Variants in SAMD4A observed in about 807,000 individuals in gnomAD.
SAMD4A encodes sterile alpha motif domain containing 4A, also known as protein Smaug homolog 1.
Under a neutral mutation model 81.3 loss-of-function variants are expected in SAMD4A, and 33 were observed. The ratio of observed to expected loss-of-function variants is 0.41; its 90% CI spans 0.31 to 0.54. The LOEUF is 0.54. Among genes scored for constraint, SAMD4A ranks in the 20% least tolerant of loss-of-function variants. SAMD4A has a pLI of 0.37. For synonymous variants in SAMD4A, 389 were observed against 382.1 expected (o/e 1.02, Z -0.21); for missense variants, 854 against 951.1 (o/e 0.90, Z 1.34).
chr14:54,744,457 A>T (rs1237384429), intron 4 of SAMD4A, among the ~76,000 whole-genome samples: 3 of 152,216 alleles, frequency 2.0e-5, no homozygotes, highest in East Asian at 3.8e-4. Flanking sequence ...AATCAGCATG[A>T]TTTAAAACTG....
At chr14:54,767,987 G>T (rs1041355048) in intron 8 of SAMD4A, among the ~76,000 whole-genome samples, 1 of 152,296 alleles carries the variant, frequency 6.6e-6, no homozygotes, top group Non-Finnish European at 1.5e-5. Context: ...CCAGGAAGGC[G>T]CCAACATTCC....
At chr14:54,659,156 C>T (rs2035585519) in intron 2 of SAMD4A, among the ~76,000 whole-genome samples, 1 of 152,234 alleles carries the variant, frequency 6.6e-6, no homozygotes. Flanking sequence ...TGGTCCCTTA[C>T]AGAGGTTTCC....
At chr14:54,637,481 C>T (rs1446517173) in intron 2 of SAMD4A, among the ~76,000 whole-genome samples, 1 of 151,392 alleles carries the variant, frequency 6.6e-6, no homozygotes, top group East Asian at 1.9e-4. Flanking sequence ...GCTCTAGAAG[C>T]CAGGTGAAGA....
intron 3 of SAMD4A, among the ~76,000 whole-genome samples, chr14:54,719,680 C>T (rs934752439): frequency 6.6e-6 from 1 of 152,162 alleles, no homozygotes; most frequent in African/African-American, 2.4e-5. Flanking sequence ...GTGAGACTGA[C>T]CTGGGTTTGA....
At chr14:54,602,100 A>C (rs551750898) in intron 2 of SAMD4A, among the ~76,000 whole-genome samples, 7 of 152,304 alleles carry the variant, frequency 4.6e-5, no homozygotes, top group Admixed American at 4.6e-4. Flanking sequence ...CTAGACCCAG[A>C]GACAGGCTTC....
intron 2 of SAMD4A, among the ~76,000 whole-genome samples, chr14:54,648,629 C>T (rs567092071): frequency 6.6e-6 from 1 of 152,168 alleles, no homozygotes; most frequent in Non-Finnish European, 1.5e-5. Context: ...GTCAGTGTGA[C>T]TGGAATGGAT....
At chr14:54,606,411 G>A (rs1341647889) in intron 2 of SAMD4A, among the ~76,000 whole-genome samples, 1 of 152,200 alleles carries the variant, frequency 6.6e-6, no homozygotes, top group Non-Finnish European at 1.5e-5. Flanking sequence ...CTAATCTGTG[G>A]CATGTGCCTG....
At chr14:54,596,980 T>C (rs971180862) in intron 2 of SAMD4A, among the ~76,000 whole-genome samples, 5 of 152,184 alleles carry the variant, frequency 3.3e-5, no homozygotes, top group Non-Finnish European at 7.3e-5. Context: ...TCAGATCTTA[T>C]GAAAGGGAGC....
intron 3 of SAMD4A, among the ~76,000 whole-genome samples, chr14:54,727,483 C>T (rs1286588511): frequency 1.3e-5 from 2 of 152,064 alleles, no homozygotes; most frequent in African/African-American, 4.8e-5. Context: ...GCCACCACAC[C>T]CAGCCTTGGG....
In SAMD4A at chr14:54,596,580, G is replaced by A. The variant is rs111518621; in HGVS notation, c.196+28468G>A. ...AGCCTGGGTGATATAGTGAGACTGC[G>A]TCTCAAAAAAAAGAAAACAAGGAAA... On this transcript the variant is annotated intron_variant, in intron 2 of 12. Coordinates refer to ENST00000554335, the MANE Select transcript of SAMD4A (RefSeq NM_015589.6). 2.8e-4 allele frequency among the ~76,000 whole-genome samples: 42 copies of A among 152,258 alleles called. No homozygotes were observed. In the East Asian group the frequency reaches 3.9e-3, roughly 14 times the overall value.
At chr14:54,741,127 T>C (rs1294144329) in intron 4 of SAMD4A, among the ~76,000 whole-genome samples, 2 of 152,198 alleles carry the variant, frequency 1.3e-5, no homozygotes, top group Non-Finnish European at 2.9e-5. Flanking sequence ...GTGACTTATC[T>C]CAGAGGAAAG....
chr14:54,643,588 G>A (rs2035220821), intron 2 of SAMD4A, among the ~76,000 whole-genome samples: 1 of 152,200 alleles, frequency 6.6e-6, no homozygotes, highest in Non-Finnish European at 1.5e-5. Context: ...CTCAACAGTG[G>A]ACCTAGATAT....
intron 2 of SAMD4A, among the ~76,000 whole-genome samples, chr14:54,673,018 A>G (rs2035917955): frequency 6.6e-6 from 1 of 152,234 alleles, no homozygotes; most frequent in Admixed American, 6.5e-5. Flanking sequence ...CCCTTTCTCG[A>G]AGGTTACCTT....
At chr14:54,704,478 C>T (rs2036803187) in intron 3 of SAMD4A, among the ~76,000 whole-genome samples, 2 of 152,184 alleles carry the variant, frequency 1.3e-5, no homozygotes. Flanking sequence ...AGGATCAGGT[C>T]TTGACATTTA....
intron 2 of SAMD4A, among the ~76,000 whole-genome samples, chr14:54,655,529 C>A (rs551705371): frequency 6.6e-6 from 1 of 151,538 alleles, no homozygotes; most frequent in African/African-American, 2.4e-5. Flanking sequence ...GTCGGGAGTT[C>A]GAGACCAGCC....
chr14:54,717,454 AAAG>A (rs1822282357), intron 3 of SAMD4A, among the ~76,000 whole-genome samples: 1 of 151,886 alleles, frequency 6.6e-6, no homozygotes, highest in African/African-American at 2.4e-5. Flanking sequence ...AAAAAAAAAA[AAAG>A]AAAGAAATTT....
At chr14:54,726,470 G>T (rs934259269) in intron 3 of SAMD4A, among the ~76,000 whole-genome samples, 14 of 152,184 alleles carry the variant, frequency 9.2e-5, no homozygotes, top group Non-Finnish European at 1.8e-4. Context: ...TGGGAAAAGT[G>T]AGGGTATGAA....
At chr14:54,689,454 A>G (rs117394010) in intron 2 of SAMD4A, among the ~76,000 whole-genome samples, 3,194 of 152,260 alleles carry the variant, frequency 0.021, 39 homozygotes, top group Middle Eastern at 0.051. Context: ...AAGTAACTCA[A>G]ACATCACCAA....
intron 9 of SAMD4A, among the ~76,000 whole-genome samples, chr14:54,774,652 C>CA (rs1286823182): frequency 3.4e-4 from 46 of 134,006 alleles, no homozygotes; most frequent in African/African-American, 3.8e-4. Context: ...CCATCTCTAC[C>CA]AAAAAAAAAA....
Sources: allele counts gnomAD v4.1 joint callset (sites outside exome capture counted in the v4.1 genomes callset), GRCh38; gene constraint gnomAD v4.1.1; transcripts MANE v1.5; gene names NCBI Gene and HGNC (gene_info 2026-07-23, HGNC 2026-07-21).